The following EXOC6B variants were observed in gnomAD, a reference collection of about 807,000 sequenced individuals.
The protein encoded by EXOC6B is SEC15 homolog B.
In EXOC6B, 54 loss-of-function variants were observed where a neutral mutation model predicts 113.5. The observed-to-expected ratio is 0.48, with a 90% CI of 0.38 to 0.60. The LOEUF is 0.60. Ranked by LOEUF, EXOC6B falls within the 20% of genes least tolerant of loss-of-function variation. The probability of loss-of-function intolerance (pLI) is 0.00; values close to 1 mark genes in which losing one functional copy is unlikely to be tolerated. For missense variants in EXOC6B, 797 were observed against 977.5 expected, an observed-to-expected ratio of 0.82 and a Z score of 2.46; for synonymous variants, 357 against 339.0, an observed-to-expected ratio of 1.05 and a Z score of -0.58.
At position 72,517,850 on chromosome 2, in the gene EXOC6B, C is replaced by A. The variant is rs528091244; in HGVS notation, c.916-2724G>T. Among the ~76,000 whole-genome samples the A allele has an allele frequency of 1.1e-4, 16 of 152,158 alleles. No homozygotes were observed. In the East Asian group the frequency reaches 3.1e-3, roughly 29 times the overall value. On this transcript the variant is annotated intron_variant, in intron 8 of 21. Coordinates refer to ENST00000272427, the MANE Select transcript of EXOC6B (RefSeq NM_015189.3). ...CATAAGATGGAATTCTATATAAAAA[C>A]CAAATCATGAACTTCTACTTAATTC... is the stretch of plus-strand genomic sequence containing the variant.
intron 18 of EXOC6B, among the ~76,000 whole-genome samples, chr2:72,406,881 C>CA (rs926885470): frequency 4.0e-5 from 6 of 151,848 alleles, no homozygotes; most frequent in East Asian, 1.9e-4. Context: ...ATCAGAGACA[C>CA]AAAAAAACCC....
At chr2:72,643,643 T>C (rs1486153868) in intron 6 of EXOC6B, among the ~76,000 whole-genome samples, 2 of 137,494 alleles carry the variant, frequency 1.5e-5, no homozygotes, top group African/African-American at 5.4e-5. Context: ...GGGATAGCAT[T>C]GGGAGATATA....
rs184697099 is a variant in EXOC6B, at chr2:72,672,330, T to G, written c.669+45773A>C. On this transcript the variant is annotated intron_variant, in intron 6 of 21. Coordinates refer to ENST00000272427, the MANE Select transcript of EXOC6B (RefSeq NM_015189.3). Reference sequence around the variant, plus strand: ...ACATATCCATCAATGGATAAACAGATAAAGAAAAGCCGGTATATGGCCAGG... The same window carrying G: ...ACATATCCATCAATGGATAAACAGAGAAAGAAAAGCCGGTATATGGCCAGG... Among the ~76,000 whole-genome samples, 4 of 150,810 alleles carry G rather than the reference T, an allele frequency of 2.7e-5. No homozygotes were observed. In the East Asian group the frequency reaches 7.8e-4, roughly 29 times the overall value.
At position 72,559,471 on chromosome 2, in the gene EXOC6B, T is replaced by C. The variant is rs755601176; in HGVS notation, c.897A>G (p.Leu299=). ...LVDFSPVYRC[L]HIYSVLGARE... ...GACTCACCAGGACAGAATATATATG[T>C]AGACATCGATAAACTGGAGAGAAAT... is the stretch of plus-strand genomic sequence containing the variant. Residue 299 remains leucine, a synonymous_variant, in exon 8 of 22, where the codon CTA becomes CTG. Coordinates refer to ENST00000272427, the MANE Select transcript of EXOC6B (RefSeq NM_015189.3). 1.2e-6 allele frequency: 2 copies of C among 1,612,620 alleles called. No individual in the cohort carries two copies. The highest frequency in any genetic ancestry group is 4.5e-5 in the East Asian group (2 of 44,790).
intron 20 of EXOC6B, among the ~76,000 whole-genome samples, chr2:72,297,873 T>G (rs1329474445): frequency 1.3e-5 from 2 of 152,214 alleles, no homozygotes; most frequent in Non-Finnish European, 2.9e-5. Flanking sequence ...ATGATTTCCA[T>G]TCTTTTGCAT....
intron 16 of EXOC6B, among the ~76,000 whole-genome samples, chr2:72,487,655 A>T (rs1167836320): frequency 6.6e-6 from 1 of 152,214 alleles, no homozygotes; most frequent in African/African-American, 2.4e-5. Flanking sequence ...CACTGTGCCG[A>T]ATCCTACACT....
intron 6 of EXOC6B, among the ~76,000 whole-genome samples, chr2:72,579,212 G>A (rs1705053048): frequency 6.6e-6 from 1 of 152,144 alleles, no homozygotes; most frequent in African/African-American, 2.4e-5. Context: ...TTCTGGCCGT[G>A]ATGACTAAAC....
intron 20 of EXOC6B, among the ~76,000 whole-genome samples, chr2:72,275,130 G>A (rs545823173): frequency 7.9e-5 from 12 of 152,126 alleles, no homozygotes; most frequent in African/African-American, 2.2e-4. Flanking sequence ...ATTCAATTTC[G>A]TCGATTATGT....
At chr2:72,527,011 C>A (rs1453491958) in intron 8 of EXOC6B, among the ~76,000 whole-genome samples, 1 of 151,942 alleles carries the variant, frequency 6.6e-6, no homozygotes, top group African/African-American at 2.4e-5. Flanking sequence ...CGCACATTTC[C>A]AGACTACAAG....
intron 18 of EXOC6B, among the ~76,000 whole-genome samples, chr2:72,402,292 T>C (rs1407925082): frequency 6.6e-6 from 1 of 152,210 alleles, no homozygotes; most frequent in Non-Finnish European, 1.5e-5. Flanking sequence ...TTGTCACAAA[T>C]TACATTTTAT....
chr2:72,189,775 C>CTCCTT (rs745642090), intron 20 of EXOC6B, among the ~76,000 whole-genome samples: 6 of 136,210 alleles, frequency 4.4e-5, no homozygotes, highest in South Asian at 2.6e-4. Context: ...CCTTTCTTTT[C>CTCCTT]TCCTTTCCTT....
chr2:72,617,398 T>G (rs778536426), intron 6 of EXOC6B, among the ~76,000 whole-genome samples: 6 of 152,108 alleles, frequency 3.9e-5, no homozygotes, highest in Non-Finnish European at 8.8e-5. Flanking sequence ...CCACACTGCC[T>G]TAGCAGAGGT....
In EXOC6B at chr2:72,305,894, G is replaced by A. The variant is rs1194928597; in HGVS notation, c.2196+29053C>T. On this transcript the variant is annotated intron_variant, in intron 20 of 21. Coordinates refer to ENST00000272427, the MANE Select transcript of EXOC6B (RefSeq NM_015189.3). Reference sequence around the variant, plus strand: ...ATTCAAGTTATCCCGAGAAACCAGTGAAATAAAAGGGTTACAATCTAGGTC... The same window carrying A: ...ATTCAAGTTATCCCGAGAAACCAGTAAAATAAAAGGGTTACAATCTAGGTC... Among the ~76,000 whole-genome samples the A allele has an allele frequency of 2.0e-5, 3 of 152,268 alleles. No homozygotes were observed. The East Asian group carries it at 5.8e-4, about 29-fold the overall frequency.
rs1677765781 is a variant in EXOC6B, at chr2:72,176,883, G to A, written c.*2452C>T. On this transcript the variant is annotated 3_prime_UTR_variant, in exon 22 of 22. Transcript: ENST00000272427. ...CTAGGTATTTGAGGCCATATCTGAG[G>A]AGTCTGATGGGTCTGGGCACACATG... 6.6e-6 allele frequency: 1 copy of A among 152,122 alleles called. No homozygotes were observed. The highest frequency in any genetic ancestry group is 6.5e-5 in the Admixed American group (1 of 15,270). 9.4% of individuals were successfully genotyped at this position (152,122 alleles called of 1,614,324 possible).
chr2:72,572,161 C>T (rs934247411), intron 7 of EXOC6B, among the ~76,000 whole-genome samples: 1 of 152,078 alleles, frequency 6.6e-6, no homozygotes, highest in Admixed American at 6.6e-5. Flanking sequence ...CAATAGAAGA[C>T]CCAAACATTC....
intron 6 of EXOC6B, among the ~76,000 whole-genome samples, chr2:72,699,178 G>A (rs530507175): frequency 6.6e-6 from 1 of 152,094 alleles, no homozygotes; most frequent in African/African-American, 2.4e-5. Flanking sequence ...GCTTGAAGAC[G>A]TATCAAGAAA....
chr2:72,428,215 AAC>A (rs1163100335), intron 18 of EXOC6B, among the ~76,000 whole-genome samples: 2 of 152,226 alleles, frequency 1.3e-5, no homozygotes, highest in East Asian at 3.9e-4. Flanking sequence ...AAAGAGCTGT[AAC>A]ACAAACAGGG....
intron 11 of EXOC6B, among the ~76,000 whole-genome samples, chr2:72,506,250 T>A (rs185294047): frequency 6.6e-6 from 1 of 152,254 alleles, no homozygotes; most frequent in Non-Finnish European, 1.5e-5. Flanking sequence ...ATTCTCTGAG[T>A]ATTTATGTAA....
At chr2:72,269,531 C>G (rs1218992510) in intron 20 of EXOC6B, among the ~76,000 whole-genome samples, 2 of 152,044 alleles carry the variant, frequency 1.3e-5, no homozygotes, top group Non-Finnish European at 2.9e-5. Flanking sequence ...AGATTTCTAC[C>G]CAGGCACAGT....
Sources: gnomAD v4.1 joint callset for allele counts (sites outside exome capture counted in the v4.1 genomes callset) on GRCh38, gnomAD v4.1.1 for gene constraint, MANE v1.5 for transcripts, NCBI Gene and HGNC (gene_info 2026-07-23, HGNC 2026-07-21) for gene names.